SSH2: variants seen among roughly 807,000 people sequenced by gnomAD.
SSH2 encodes protein phosphatase Slingshot homolog 2.
A neutral mutation model predicts 135.2 loss-of-function variants in SSH2; 37 were observed. The observed-to-expected ratio is 0.27, with a 90% CI of 0.21 to 0.36. SSH2 has a LOEUF of 0.36. SSH2 is among the 10% of genes least tolerant of loss of function. SSH2 has a pLI of 1.00. For missense variants in SSH2, 1,408 were observed against 1,765.3 expected (o/e 0.80, Z 3.63); for synonymous variants, 628 against 646.2 (o/e 0.97, Z 0.43).
intron 2 of SSH2, among the ~76,000 whole-genome samples, chr17:29,843,768 G>C (rs1417302175): frequency 6.6e-6 from 1 of 152,000 alleles, no homozygotes; most frequent in Admixed American, 6.6e-5. Context: ...CCTTGAATTA[G>C]GGTTTACCCT....
In SSH2 at chr17:29,909,756, A is replaced by G. The variant is rs1172990088; in HGVS notation, c.63+20182T>C. Among the ~76,000 whole-genome samples, 9 of 152,260 alleles carry G rather than the reference A, an allele frequency of 5.9e-5. No individual in the cohort carries two copies. In the South Asian group the frequency reaches 1.0e-3, roughly 18 times the overall value. On this transcript the variant is annotated intron_variant, in intron 1 of 15. Transcript: ENST00000540801. ...GAGCAAAAAAACCACCCCATTACCA[A>G]CCTACCACATCACTGTATGAGTCAC...
intron 9 of SSH2, among the ~76,000 whole-genome samples, chr17:29,668,771 A>G (rs749399022): frequency 7.2e-5 from 11 of 151,998 alleles, no homozygotes; most frequent in Admixed American, 2.0e-4. Context: ...AAATTTTAGT[A>G]CCTGTGTTCA....
intron 12 of SSH2, among the ~76,000 whole-genome samples, chr17:29,653,006 T>C (rs866022423): frequency 6.6e-6 from 1 of 152,172 alleles, no homozygotes; most frequent in Non-Finnish European, 1.5e-5. Context: ...TCTAATCCCA[T>C]ACCTCATAAT....
At position 29,685,157 on chromosome 17, in the gene SSH2, G is replaced by A. The variant is rs575091184; in HGVS notation, c.358-473C>T. ...ACTGACTTTGCTATACTGAATTCCT[G>A]CATGTTAATGCACTATAAGATTTTC... On this transcript the variant is annotated intron_variant, in intron 5 of 15. Coordinates refer to ENST00000540801, the MANE Select transcript of SSH2 (RefSeq NM_001282129.2). Among the ~76,000 whole-genome samples the A allele has an allele frequency of 1.5e-4, 23 of 152,292 alleles. No individual in the cohort carries two copies. In the South Asian group the frequency reaches 3.9e-3, roughly 26 times the overall value.
intron 3 of SSH2, among the ~76,000 whole-genome samples, chr17:29,711,793 G>A (rs1030010101): frequency 6.6e-5 from 10 of 152,106 alleles, no homozygotes; most frequent in East Asian, 3.8e-4. Flanking sequence ...CCCATTATTC[G>A]TACTGCTTTA....
At chr17:29,658,598 G>A (rs572824744) in intron 11 of SSH2, among the ~76,000 whole-genome samples, 1 of 152,244 alleles carries the variant, frequency 6.6e-6, no homozygotes, top group Admixed American at 6.5e-5. Flanking sequence ...GCTGGGTGCA[G>A]TGGCTCACGT....
intron 6 of SSH2, among the ~76,000 whole-genome samples, chr17:29,680,550 T>TAAAAAAA: frequency 2.9e-4 from 1 of 3,468 alleles, no homozygotes; most frequent in Non-Finnish European, 8.8e-4. Context: ...AGACTCCCTC[T>TAAAAAAA]CAAAAAAAAA....
At chr17:29,774,388 C>T (rs1333123565) in intron 3 of SSH2, among the ~76,000 whole-genome samples, 2 of 152,092 alleles carry the variant, frequency 1.3e-5, no homozygotes, top group South Asian at 2.1e-4. Context: ...CCTCAGCCTC[C>T]CAAGTAGCTG....
rs1387714568 is a variant in SSH2, at chr17:29,625,983, T to C, written c.*4858A>G. On this transcript the variant is annotated 3_prime_UTR_variant, in exon 16 of 16. Transcript: ENST00000540801. ...TTTATTCAATCTGTAACAAGAACATTGAATCTGCACATTTGCGCACAAGTT... is the reference window on the plus strand; with the variant it reads ...TTTATTCAATCTGTAACAAGAACATCGAATCTGCACATTTGCGCACAAGTT... 2 of 152,574 alleles carry C rather than the reference T, an allele frequency of 1.3e-5. No individual in the cohort carries two copies. Among genetic ancestry groups the C allele is most frequent in the African/African-American group, 4.8e-5 (2 of 41,424 alleles). The allele number at this position is 152,574 out of a possible 1,614,324, so 9.5% of individuals were successfully genotyped here. A position where few individuals can be genotyped will look rare whatever the true frequency, so the allele number is the denominator to read the frequency against.
intron 3 of SSH2, among the ~76,000 whole-genome samples, chr17:29,709,052 A>AGAGAGAGAGAGAGAGCGCGC (rs1491229455): frequency 4.8e-5 from 7 of 144,600 alleles, no homozygotes; most frequent in African/African-American, 1.8e-4. Context: ...AGAGAGAGAG[A>AGAGAGAGAGAGAGAGCGCGC]GCTAATAATA....
intron 1 of SSH2, among the ~76,000 whole-genome samples, chr17:29,879,543 T>C (rs2066099458): frequency 6.6e-6 from 1 of 152,214 alleles, no homozygotes; most frequent in South Asian, 2.1e-4. Context: ...TTACAATTGA[T>C]GTGCTGCTCA....
chr17:29,906,729 G>A (rs2066659951), intron 1 of SSH2, among the ~76,000 whole-genome samples: 1 of 152,106 alleles, frequency 6.6e-6, no homozygotes, highest in South Asian at 2.1e-4. Context: ...ATTCTCAAAA[G>A]ATGACATACA....
At chr17:29,864,919 T>C (rs2065828812) in intron 1 of SSH2, among the ~76,000 whole-genome samples, 1 of 152,182 alleles carries the variant, frequency 6.6e-6, no homozygotes, top group African/African-American at 2.4e-5. Context: ...AAATGTGTTT[T>C]TCACAAGCCC....
chr17:29,812,890 AAAACAAAC>A (rs903101929), intron 2 of SSH2, among the ~76,000 whole-genome samples: 2 of 151,892 alleles, frequency 1.3e-5, no homozygotes, highest in Admixed American at 6.6e-5. Flanking sequence ...CTCCGTCACA[AAAACAAAC>A]AAACAAACAA....
chr17:29,780,068 T>C (rs2041806310), intron 3 of SSH2, among the ~76,000 whole-genome samples: 1 of 151,154 alleles, frequency 6.6e-6, no homozygotes, highest in African/African-American at 2.4e-5. Flanking sequence ...AATACAAAAA[T>C]TAGCCGGGCA....
intron 5 of SSH2, among the ~76,000 whole-genome samples, chr17:29,685,870 C>T (rs2038194300): frequency 6.9e-6 from 1 of 145,920 alleles, no homozygotes; most frequent in African/African-American, 2.5e-5. Flanking sequence ...TTTTTTGAGA[C>T]AGAGTTTCGC....
At chr17:29,926,514 G>T (rs1209913426) in intron 1 of SSH2, among the ~76,000 whole-genome samples, 1 of 150,662 alleles carries the variant, frequency 6.6e-6, no homozygotes. Context: ...AGATTGTGCT[G>T]CTGCACTCCA....
intron 2 of SSH2, among the ~76,000 whole-genome samples, chr17:29,833,965 C>A (rs915982752): frequency 2.5e-4 from 36 of 144,148 alleles, no homozygotes; most frequent in African/African-American, 9.1e-4. Context: ...TCCTACCCTC[C>A]CTTTTTTGAA....
chr17:29,733,690 C>T (rs1175853933), intron 3 of SSH2, among the ~76,000 whole-genome samples: 1 of 152,036 alleles, frequency 6.6e-6, no homozygotes, highest in Non-Finnish European at 1.5e-5. Context: ...CCAATATTTA[C>T]TTCTAAACCA....
Sources: allele counts gnomAD v4.1 joint callset (sites outside exome capture counted in the v4.1 genomes callset), GRCh38; gene constraint gnomAD v4.1.1; transcripts MANE v1.5; gene names NCBI Gene and HGNC (gene_info 2026-07-23, HGNC 2026-07-21).